Variants in KIAA1328 observed in about 807,000 individuals in gnomAD.
KIAA1328 encodes protein hinderin.
KIAA1328 carries 52 observed loss-of-function variants against 68.1 expected under a neutral mutation model. That is an observed-to-expected ratio of 0.76 (90% CI 0.61 to 0.96). The LOEUF is 0.96. Ranked by LOEUF, KIAA1328 falls within the 40% of genes least tolerant of loss-of-function variation. The probability of loss-of-function intolerance (pLI) is 0.00; values close to 1 mark genes in which losing one functional copy is unlikely to be tolerated. For synonymous variants in KIAA1328, 232 were observed against 239.4 expected, an observed-to-expected ratio of 0.97 and a Z score of 0.28; for missense variants, 641 against 677.6, an observed-to-expected ratio of 0.95 and a Z score of 0.60.
At chr18:36,914,223 T>C (rs1051193265) in intron 5 of KIAA1328, among the ~76,000 whole-genome samples, 6 of 152,162 alleles carry the variant, frequency 3.9e-5, no homozygotes, top group Non-Finnish European at 8.8e-5. Context: ...CTCAGCTAAA[T>C]CTATCTCTTT....
chr18:37,075,868 C>T (rs2056712766), intron 7 of KIAA1328, among the ~76,000 whole-genome samples: 1 of 152,162 alleles, frequency 6.6e-6, no homozygotes, highest in Non-Finnish European at 1.5e-5. Context: ...ACTTAGACTC[C>T]CACAGAATAA....
At chr18:36,930,680 A>C (rs1048447957) in intron 5 of KIAA1328, among the ~76,000 whole-genome samples, 7 of 152,190 alleles carry the variant, frequency 4.6e-5, no homozygotes, top group Middle Eastern at 3.4e-3. Flanking sequence ...TTAGCTGTGC[A>C]TCATAATGCT....
chr18:37,002,279 G>T (rs2053619230), intron 6 of KIAA1328, among the ~76,000 whole-genome samples: 1 of 120,212 alleles, frequency 8.3e-6, no homozygotes, highest in African/African-American at 3.2e-5. Context: ...TGTGATCATA[G>T]CTCACTGTAG....
chr18:36,918,977 A>T (rs2049817525), intron 5 of KIAA1328, among the ~76,000 whole-genome samples: 1 of 152,138 alleles, frequency 6.6e-6, no homozygotes, highest in Admixed American at 6.5e-5. Flanking sequence ...ATGGCCCAGT[A>T]TGTAGTGTAT....
At chr18:37,072,462 T>G (rs2056570012) in intron 7 of KIAA1328, among the ~76,000 whole-genome samples, 1 of 152,168 alleles carries the variant, frequency 6.6e-6, no homozygotes, top group African/African-American at 2.4e-5. Flanking sequence ...TACTGTGATA[T>G]GTCTTGACAT....
chr18:37,170,626 A>G (rs1043176471), intron 8 of KIAA1328, among the ~76,000 whole-genome samples: 2 of 152,156 alleles, frequency 1.3e-5, no homozygotes, highest in Non-Finnish European at 2.9e-5. Context: ...CCCAAATCCT[A>G]TAGCCAAATG....
Position 37,046,348 on chromosome 18 carries a change from T to G in KIAA1328, c.577-20542T>G, listed in dbSNP as rs1275322098. Reference sequence around the variant, plus strand: ...GATGAGGGCTTTTCTATTTTTTATTTTATTTTTAGATGGCTTTTCATCTAA... The same window carrying G: ...GATGAGGGCTTTTCTATTTTTTATTGTATTTTTAGATGGCTTTTCATCTAA... On this transcript the variant is annotated intron_variant, in intron 6 of 9. Transcript: ENST00000280020. Among the ~76,000 whole-genome samples, 6 of 152,210 alleles carry G rather than the reference T, an allele frequency of 3.9e-5. No individual in the cohort carries two copies. In the East Asian group the frequency reaches 9.6e-4, roughly 24 times the overall value.
intron 6 of KIAA1328, among the ~76,000 whole-genome samples, chr18:36,965,698 G>C (rs181187336): frequency 1.3e-4 from 20 of 150,776 alleles, no homozygotes; most frequent in African/African-American, 4.6e-4. Context: ...AGTACTTAGG[G>C]ACACACAGTC....
chr18:36,863,566 T>C (rs1601036767), intron 4 of KIAA1328, among the ~76,000 whole-genome samples: 1 of 152,188 alleles, frequency 6.6e-6, no homozygotes, highest in East Asian at 1.9e-4. Flanking sequence ...TCTGCTGTTA[T>C]ATTAATAGGT....
At chr18:36,866,698 TA>T (rs1265880612) in intron 4 of KIAA1328, among the ~76,000 whole-genome samples, 1 of 152,136 alleles carries the variant, frequency 6.6e-6, no homozygotes, top group Non-Finnish European at 1.5e-5. Context: ...TAGAGAATCA[TA>T]AAAAAGTATT....
At chr18:37,226,534 T>C (rs2060638781), downstream of KIAA1328, among the ~76,000 whole-genome samples, 3 of 151,940 alleles carry the variant, frequency 2.0e-5, no homozygotes, top group South Asian at 6.2e-4. Context: ...ACATGTCATA[T>C]TAATGAAATC....
chr18:37,218,851 C>G (rs1016643951), intron 9 of KIAA1328, among the ~76,000 whole-genome samples: 24 of 152,210 alleles, frequency 1.6e-4, no homozygotes, highest in African/African-American at 5.3e-4. Flanking sequence ...CAGCTTTGTT[C>G]CATTGCTGGC....
chr18:37,094,380 C>G (rs1310946708), intron 7 of KIAA1328, among the ~76,000 whole-genome samples: 1 of 151,952 alleles, frequency 6.6e-6, no homozygotes, highest in African/African-American at 2.4e-5. Flanking sequence ...ACCTGTCAGT[C>G]AAGAGTACTA....
At chr18:36,842,921 A>G (rs1199393766) in intron 3 of KIAA1328, among the ~76,000 whole-genome samples, 1 of 152,048 alleles carries the variant, frequency 6.6e-6, no homozygotes, top group Non-Finnish European at 1.5e-5. Context: ...GTCCTTTCAA[A>G]TGCCACTTTA....
intron 7 of KIAA1328, among the ~76,000 whole-genome samples, chr18:37,093,052 A>G (rs1175448677): frequency 6.6e-6 from 1 of 152,162 alleles, no homozygotes; most frequent in Non-Finnish European, 1.5e-5. Flanking sequence ...TGACACTTAC[A>G]GCTAAAAATC....
intron 6 of KIAA1328, among the ~76,000 whole-genome samples, chr18:37,064,809 T>C (rs1599133395): frequency 1.3e-5 from 2 of 152,028 alleles, no homozygotes; most frequent in East Asian, 3.9e-4. Flanking sequence ...AAGTGAGAAA[T>C]ACAGGTGGCC....
chr18:37,149,385 T>A, intron 7 of KIAA1328, among the ~76,000 whole-genome samples: 1 of 151,986 alleles, frequency 6.6e-6, no homozygotes, highest in Non-Finnish European at 1.5e-5. Context: ...CTTGACCCCT[T>A]CCATATACAA....
In KIAA1328 at chr18:36,829,510, G is replaced by GC. The variant is rs2046385571; in HGVS notation, c.58+317dup. 4 of 1,119,514 alleles carry GC rather than the reference G, an allele frequency of 3.6e-6. No individual in the cohort carries two copies. In the East Asian group the frequency reaches 1.7e-4, roughly 48 times the overall value. 69.3% of individuals were successfully genotyped at this position (1,119,514 alleles called of 1,614,324 possible). A position where few individuals can be genotyped will look rare whatever the true frequency, so the allele number is the denominator to read the frequency against. On this transcript the variant is annotated intron_variant, in intron 1 of 9. Coordinates refer to ENST00000280020, the MANE Select transcript of KIAA1328 (RefSeq NM_020776.3). ...TGAGATGGCCCTCCGAGGTCCCTCT[G>GC]CCCACCCTGTCAGAGTGCCCCCAGG...
At chr18:37,058,586 C>T (rs1216838037) in intron 6 of KIAA1328, among the ~76,000 whole-genome samples, 1 of 151,858 alleles carries the variant, frequency 6.6e-6, no homozygotes. Context: ...GCAGCGTGCC[C>T]CTGTAGTCCC....
Sources: gnomAD v4.1 joint callset for allele counts (sites outside exome capture counted in the v4.1 genomes callset) on GRCh38, gnomAD v4.1.1 for gene constraint, MANE v1.5 for transcripts, NCBI Gene and HGNC (gene_info 2026-07-23, HGNC 2026-07-21) for gene names.